INPP4B: variants seen among roughly 807,000 people sequenced by gnomAD.
INPP4B encodes inositol polyphosphate-4-phosphatase type II B, also known as inositol polyphosphate 4-phosphatase type II.
A neutral mutation model predicts 122.5 loss-of-function variants in INPP4B; 55 were observed. The ratio of observed to expected loss-of-function variants is 0.45; its 90% confidence interval spans 0.36 to 0.56. The LOEUF is 0.56. Ranked by LOEUF, INPP4B falls within the 20% of genes least tolerant of loss-of-function variation. The pLI, the probability that INPP4B is intolerant of heterozygous loss-of-function variation, is 0.00. For synonymous variants in INPP4B, 403 were observed against 388.7 expected, an observed-to-expected ratio of 1.04 and a Z score of -0.43; for missense variants, 1,000 against 1,097.7, an observed-to-expected ratio of 0.91 and a Z score of 1.26.
At chr4:142,731,627 CAG>C (rs1261588507) in intron 1 of INPP4B, among the ~76,000 whole-genome samples, 3 of 152,158 alleles carry the variant, frequency 2.0e-5, no homozygotes, top group African/African-American at 7.2e-5. Flanking sequence ...GGAAAAGAAA[CAG>C]AGGAGGAAGT....
At chr4:142,610,911 T>C (rs1322915183) in intron 2 of INPP4B, among the ~76,000 whole-genome samples, 2 of 152,178 alleles carry the variant, frequency 1.3e-5, no homozygotes, top group African/African-American at 4.8e-5. Context: ...GCTGAAACCT[T>C]AGTTCAAAAG....
chr4:142,515,445 T>C (rs1825304062), intron 2 of INPP4B, among the ~76,000 whole-genome samples: 1 of 152,162 alleles, frequency 6.6e-6, no homozygotes, highest in Non-Finnish European at 1.5e-5. Flanking sequence ...ATGCCTTTTT[T>C]TTCACACTAA....
intron 2 of INPP4B, among the ~76,000 whole-genome samples, chr4:142,564,358 G>A (rs1560806034): frequency 6.8e-6 from 1 of 146,634 alleles, no homozygotes; most frequent in Non-Finnish European, 1.5e-5. Flanking sequence ...AATGATAAAG[G>A]TATAAAGAAG....
chr4:142,304,207 T>A (rs989266533), intron 9 of INPP4B, among the ~76,000 whole-genome samples: 1 of 152,128 alleles, frequency 6.6e-6, no homozygotes, highest in Non-Finnish European at 1.5e-5. Flanking sequence ...ATGATGATAT[T>A]TTCTAGGTTA....
chr4:142,120,391 G>A (rs112015628), intron 21 of INPP4B, among the ~76,000 whole-genome samples: 16 of 152,004 alleles, frequency 1.1e-4, no homozygotes, highest in African/African-American at 2.7e-4. Flanking sequence ...TTTAGATAGC[G>A]ATTGCAATGA....
intron 2 of INPP4B, among the ~76,000 whole-genome samples, chr4:142,674,411 C>T (rs1757426639): frequency 6.6e-6 from 1 of 152,066 alleles, no homozygotes; most frequent in Non-Finnish European, 1.5e-5. Context: ...AAGATGTTAA[C>T]TCCTGTTAAA....
intron 18 of INPP4B, among the ~76,000 whole-genome samples, chr4:142,145,392 C>A (rs1183167378): frequency 6.6e-6 from 1 of 152,084 alleles, no homozygotes; most frequent in East Asian, 1.9e-4. Context: ...AGATAATTTA[C>A]ACAAATATTT....
intron 1 of INPP4B, among the ~76,000 whole-genome samples, chr4:142,801,824 C>T (rs1210198778): frequency 2.0e-5 from 3 of 152,120 alleles, no homozygotes; most frequent in African/African-American, 7.2e-5. Context: ...AGAGAAGGAG[C>T]AGGATAGACT....
At chr4:142,669,051 G>A (rs973473499) in intron 2 of INPP4B, among the ~76,000 whole-genome samples, 8 of 151,906 alleles carry the variant, frequency 5.3e-5, no homozygotes, top group South Asian at 2.1e-4. Flanking sequence ...GCAAGACTCC[G>A]CCTCAAAAGA....
intron 8 of INPP4B, chr4:142,305,763 G>T: frequency 4.4e-6 from 6 of 1,349,080 alleles, no homozygotes; most frequent in South Asian, 1.4e-5. Flanking sequence ...AGACCAACAG[G>T]CTAGAAAATA....
intron 2 of INPP4B, chr4:142,496,790 T>TC (rs1822629600): frequency 6.6e-6 from 1 of 152,172 alleles, no homozygotes; most frequent in African/African-American, 2.4e-5. Context: ...CATCTCTGCT[T>TC]CAGTTCATTA....
At chr4:142,657,402 T>A (rs973086798) in intron 2 of INPP4B, among the ~76,000 whole-genome samples, 2 of 152,238 alleles carry the variant, frequency 1.3e-5, no homozygotes, top group Admixed American at 6.5e-5. Flanking sequence ...TGTGGACATA[T>A]GGAACTAATC....
At chr4:142,082,234 A>G (rs1477079889) in intron 24 of INPP4B, 49 bp from the exon 25 acceptor site, 3 of 1,438,320 alleles carry the variant, frequency 2.1e-6, no homozygotes, top group Non-Finnish European at 2.8e-6. Context: ...GTAATACCGT[A>G]AAGTGTCGGC....
rs532249825 is a variant in INPP4B at position 142,763,834 on chromosome 4, T to A, written c.-253-37933A>T. On this transcript the variant is annotated intron_variant, in intron 1 of 25. Transcript: ENST00000262992. ...AAATTTTGCTTTGTAAAAATTTTTT[T>A]AAAAAATCAGCAAAGAAGCAATGTC... is the stretch of plus-strand genomic sequence containing the variant. Among the ~76,000 whole-genome samples the A allele has an allele frequency of 8.5e-5, 13 of 152,170 alleles. No homozygotes were observed. In the South Asian group the frequency reaches 1.7e-3, roughly 19 times the overall value.
chr4:142,367,230 G>T (rs1303648168), intron 7 of INPP4B, among the ~76,000 whole-genome samples: 2 of 150,732 alleles, frequency 1.3e-5, no homozygotes, highest in Non-Finnish European at 3.0e-5. Context: ...GTGTGTATTT[G>T]CCAGTCATTA....
intron 18 of INPP4B, among the ~76,000 whole-genome samples, chr4:142,137,696 A>T (rs1422875468): frequency 6.9e-6 from 1 of 143,918 alleles, no homozygotes; most frequent in Admixed American, 7.1e-5. Context: ...CAAGAAAAAA[A>T]CAAACAACCC....
chr4:142,294,886 C>T (rs1757997315), intron 9 of INPP4B, among the ~76,000 whole-genome samples: 1 of 141,142 alleles, frequency 7.1e-6, no homozygotes, highest in Non-Finnish European at 1.5e-5. Context: ...GTGGATGAAG[C>T]ACCTTGTATA....
chr4:142,323,198 G>A (rs1390469617), intron 7 of INPP4B, among the ~76,000 whole-genome samples: 1 of 151,942 alleles, frequency 6.6e-6, no homozygotes, highest in Non-Finnish European at 1.5e-5. Flanking sequence ...CTGGTCAGAA[G>A]GATGGTCTCC....
At chr4:142,419,121 A>T (rs1806352330) in intron 5 of INPP4B, among the ~76,000 whole-genome samples, 1 of 152,084 alleles carries the variant, frequency 6.6e-6, no homozygotes, top group Non-Finnish European at 1.5e-5. Context: ...CTTTATGGAG[A>T]TAGATACCAT....
Sources: gnomAD v4.1 joint callset for allele counts (sites outside exome capture counted in the v4.1 genomes callset) on GRCh38, gnomAD v4.1.1 for gene constraint, MANE v1.5 for transcripts, NCBI Gene and HGNC (gene_info 2026-07-23, HGNC 2026-07-21) for gene names.